The following PRELID2 variants were observed in gnomAD, a reference collection of about 807,000 sequenced individuals.
PRELID2 encodes the protein PRELI domain-containing protein 2.
PRELID2 carries 25 observed loss-of-function variants against 28.4 expected under a neutral mutation model. That is an observed-to-expected ratio of 0.88 (90% CI 0.64 to 1.23). The LOEUF (loss-of-function observed/expected upper bound fraction) is 1.23. Ranked by LOEUF, PRELID2 falls within the 50% of genes most tolerant of loss-of-function variation. The pLI, the probability that PRELID2 is intolerant of heterozygous loss-of-function variation, is 0.00. For synonymous variants in PRELID2, 76 were observed against 71.6 expected, an observed-to-expected ratio of 1.06 and a Z score of -0.31; for missense variants, 201 against 214.4, an observed-to-expected ratio of 0.94 and a Z score of 0.39.
intron 1 of PRELID2, among the ~76,000 whole-genome samples, chr5:145,489,322 T>G (rs1752247862): frequency 6.6e-6 from 1 of 152,238 alleles, no homozygotes; most frequent in Non-Finnish European, 1.5e-5. Flanking sequence ...ATAACTTCAG[T>G]GTTTCCAATT....
the PRELID2 span, among the ~76,000 whole-genome samples, chr5:145,404,620 C>T: frequency 6.6e-6 from 1 of 152,256 alleles, no homozygotes; most frequent in South Asian, 2.1e-4. Flanking sequence ...GCATATCTTT[C>T]AGCATCTTTA....
intron 1 of PRELID2, among the ~76,000 whole-genome samples, chr5:145,637,165 T>C (rs1754015027): frequency 1.3e-5 from 2 of 152,310 alleles, no homozygotes; most frequent in South Asian, 4.1e-4. Flanking sequence ...CTAAAGGTCT[T>C]CAGGTATACT....
chr5:145,628,300 G>T (rs987278363), intron 1 of PRELID2, among the ~76,000 whole-genome samples: 2 of 151,896 alleles, frequency 1.3e-5, no homozygotes, highest in African/African-American at 2.4e-5. Context: ...GGAGAAATCT[G>T]AAGGATTCTT....
intron 1 of PRELID2, among the ~76,000 whole-genome samples, chr5:145,499,816 C>T (rs1464508468): frequency 6.6e-6 from 1 of 152,218 alleles, no homozygotes; most frequent in Non-Finnish European, 1.5e-5. Flanking sequence ...TCTGCTGCCA[C>T]GTTCTTCAGA....
the PRELID2 span, among the ~76,000 whole-genome samples, chr5:145,326,406 A>T: frequency 3.9e-5 from 6 of 152,192 alleles, no homozygotes; most frequent in African/African-American, 1.4e-4. Flanking sequence ...TGATACTAGA[A>T]TTCATATGAA....
intron 4 of PRELID2, among the ~76,000 whole-genome samples, chr5:145,816,828 T>C (rs1015189500): frequency 1.2e-4 from 18 of 152,128 alleles, no homozygotes; most frequent in Non-Finnish European, 2.2e-4. Flanking sequence ...GTAAGTTTTA[T>C]TGTATGCAAA....
At chr5:145,595,736 T>C (rs1486944467) in intron 1 of PRELID2, among the ~76,000 whole-genome samples, 1 of 152,194 alleles carries the variant, frequency 6.6e-6, no homozygotes, top group Admixed American at 6.5e-5. Context: ...AAAAGTAGCA[T>C]CATCAAAAGT....
intron 1 of PRELID2, among the ~76,000 whole-genome samples, chr5:145,601,666 T>C (rs1753399006): frequency 6.6e-6 from 1 of 152,186 alleles, no homozygotes; most frequent in Non-Finnish European, 1.5e-5. Flanking sequence ...CAAGTGGGTC[T>C]AATAAGCAGG....
chr5:145,333,109 A>T, the PRELID2 span, among the ~76,000 whole-genome samples: 1 of 152,350 alleles, frequency 6.6e-6, no homozygotes, highest in African/African-American at 2.4e-5. Flanking sequence ...GCTGCAGAAC[A>T]GCAAAGATTG....
At chr5:145,596,066 C>A (rs545237380) in intron 1 of PRELID2, among the ~76,000 whole-genome samples, 2 of 136,062 alleles carry the variant, frequency 1.5e-5, no homozygotes, top group South Asian at 4.6e-4. Context: ...GCACATTGCA[C>A]TCCAGCCTGG....
the PRELID2 span, among the ~76,000 whole-genome samples, chr5:145,252,620 T>C: frequency 5.9e-5 from 9 of 152,156 alleles, no homozygotes; most frequent in East Asian, 5.8e-4. Context: ...TGCTAGCCTT[T>C]CTCCATACCC....
chr5:145,624,006 C>T (rs1222417249), intron 1 of PRELID2, among the ~76,000 whole-genome samples: 2 of 152,156 alleles, frequency 1.3e-5, no homozygotes, highest in Admixed American at 1.3e-4. Flanking sequence ...ATTCTCATGC[C>T]TCCACCCAGA....
intron 1 of PRELID2, among the ~76,000 whole-genome samples, chr5:145,524,785 A>G (rs1167973925): frequency 6.6e-6 from 1 of 152,184 alleles, no homozygotes; most frequent in Non-Finnish European, 1.5e-5. Flanking sequence ...ATAGGATTTG[A>G]GCAGCAATTC....
At chr5:145,715,532 C>A (rs1187927201) in intron 1 of PRELID2, among the ~76,000 whole-genome samples, 1 of 152,132 alleles carries the variant, frequency 6.6e-6, no homozygotes, top group Admixed American at 6.6e-5. Context: ...AAAAATCATC[C>A]AATGCTTCCA....
chr5:145,538,644 A>G (rs1752721729), intron 1 of PRELID2, among the ~76,000 whole-genome samples: 1 of 151,968 alleles, frequency 6.6e-6, no homozygotes, highest in Admixed American at 6.6e-5. Flanking sequence ...GCCATCAGTC[A>G]TGAGACTTTT....
chr5:145,252,994 G>A, the PRELID2 span, among the ~76,000 whole-genome samples: 2 of 152,046 alleles, frequency 1.3e-5, no homozygotes, highest in African/African-American at 4.8e-5. Context: ...ATTGAAGGAA[G>A]CATCTTAAGA....
chr5:145,246,494 T>C, the PRELID2 span, among the ~76,000 whole-genome samples: 1 of 152,110 alleles, frequency 6.6e-6, no homozygotes, highest in Admixed American at 6.6e-5. Flanking sequence ...TAATAGGTAT[T>C]CTAGTTTAGA....
the PRELID2 span, among the ~76,000 whole-genome samples, chr5:145,359,997 C>G: frequency 6.6e-6 from 1 of 152,156 alleles, no homozygotes; most frequent in Non-Finnish European, 1.5e-5. Context: ...GGAATGGCTA[C>G]ATTTGAGAAA....
chr5:145,607,395 T>C (rs190843833), intron 1 of PRELID2, among the ~76,000 whole-genome samples: 2 of 152,262 alleles, frequency 1.3e-5, no homozygotes, highest in East Asian at 3.9e-4. Context: ...TGCCATAAAT[T>C]TGCTCTTACC....
Sources: allele counts gnomAD v4.1 joint callset (sites outside exome capture counted in the v4.1 genomes callset), GRCh38; gene constraint gnomAD v4.1.1; transcripts MANE v1.5; gene names NCBI Gene and HGNC (gene_info 2026-07-23, HGNC 2026-07-21).